Variants in NASP observed in about 807,000 individuals in gnomAD.
NASP encodes the protein nuclear autoantigenic sperm protein.
In NASP, 24 loss-of-function variants were observed where a neutral mutation model predicts 89.5. The ratio of observed to expected loss-of-function variants is 0.27; its 90% confidence interval spans 0.19 to 0.38. The LOEUF is 0.38. Among genes scored for constraint, NASP ranks in the 10% least tolerant of loss-of-function variants. NASP has a pLI of 1.00. For synonymous variants in NASP, 306 were observed against 324.7 expected (o/e 0.94, Z 0.62); for missense variants, 848 against 921.4 (o/e 0.92, Z 1.03).
intron 2 of NASP, among the ~76,000 whole-genome samples, chr1:45,595,599 T>C (rs1022064448): frequency 1.3e-5 from 2 of 152,222 alleles, no homozygotes; most frequent in South Asian, 2.1e-4. Flanking sequence ...AAAACTGTTA[T>C]TGTAATAACA....
intron 12 of NASP, 110 bp downstream of exon 12, chr1:45,616,503 G>A: frequency 6.7e-7 from 1 of 1,500,686 alleles, no homozygotes. Context: ...CTGAGGCTTG[G>A]AATTCAACAC....
At position 45,586,298 on chromosome 1, in the gene NASP, T is replaced by TGTGTGTGTGTGTG. The variant is rs1644547744; in HGVS notation, c.59+2104_59+2105insTGGTGTGTGTGTG. ...TGTGTGTGTGTGGTGTGTGTGTGTG[T>TGTGTGTGTGTGTG]GTGTGTGTGTGGTGTGTGTGTGTGT... On this transcript the variant is annotated intron_variant, in intron 1 of 14. Coordinates refer to ENST00000350030, the MANE Select transcript of NASP (RefSeq NM_002482.4). Among the ~76,000 whole-genome samples, 74 of 96,642 alleles carry TGTGTGTGTGTGTG rather than the reference T, an allele frequency of 7.7e-4. 1 individual carries two copies. Among genetic ancestry groups the TGTGTGTGTGTGTG allele is most frequent in the East Asian group, 2.3e-3 (8 of 3,446 alleles). The allele number at this position is 96,642 out of a possible 152,430, so 63.4% of individuals were successfully genotyped here.
At chr1:45,593,023 T>TA (rs1352956358) in intron 2 of NASP, among the ~76,000 whole-genome samples, 1 of 152,200 alleles carries the variant, frequency 6.6e-6, no homozygotes, top group African/African-American at 2.4e-5. Flanking sequence ...AGATTTTGGA[T>TA]AAAAAGACAT....
At position 45,618,096 on chromosome 1, in the gene NASP, G is replaced by T; in HGVS notation, c.2322G>T (p.Glu774Asp). The stretch of plus-strand genomic sequence containing the variant: ...AGGCTGAAAGCCGGGCAGCAGTGGA[G>T]GGGACAGTGGAGGCTGGAGCTACAG... ...ENQAESRAAV[E>D]GTVEAGATVE... Residue 774 changes from glutamate to aspartate, a missense_variant, in exon 15 of 15, where the codon GAG (glutamate) becomes GAT (aspartate). Glu to Asp is a conservative substitution (Grantham distance 45, BLOSUM62 2). Transcript: ENST00000350030. 6.2e-7 allele frequency: 1 copy of T among 1,604,128 alleles called. No homozygotes were observed. The highest frequency in any genetic ancestry group is 1.1e-5 in the South Asian group (1 of 88,914).
Position 45,616,687 on chromosome 1 carries a change from A to C in NASP, c.2141A>C (p.His714Pro). Residue 714 changes from histidine (H) to proline (P), a missense_variant, in exon 13 of 15, where the codon CAC becomes CCC. His to Pro is a moderately conservative substitution (Grantham distance 77). Coordinates refer to ENST00000350030, the MANE Select transcript of NASP (RefSeq NM_002482.4). The part of the protein sequence containing the change: ...SSSNCVTDIS[H>P]LVRKKRKPEE... ...TCAAATTGTGTGACTGATATTTCCCACCTTGTCAGAAAGAAGGTAAGTCTA... is the reference window on the plus strand; with the variant it reads ...TCAAATTGTGTGACTGATATTTCCCCCCTTGTCAGAAAGAAGGTAAGTCTA... The C allele has an allele frequency of 3.7e-6, 6 of 1,613,706 alleles. No homozygotes were observed. Among genetic ancestry groups the C allele is most frequent in the Non-Finnish European group, 5.1e-6 (6 of 1,179,608 alleles).
intron 1 of NASP, chr1:45,588,567 A>G: frequency 2.3e-6 from 1 of 437,764 alleles, no homozygotes; most frequent in East Asian, 7.5e-5. Context: ...AATGTATGGG[A>G]GTACAATTTC....
At chr1:45,586,298 T>TGGTGTGTGTGTG (rs375898417) in intron 1 of NASP, among the ~76,000 whole-genome samples, 3 of 96,674 alleles carry the variant, frequency 3.1e-5, no homozygotes, top group East Asian at 5.8e-4. Context: ...TGTGTGTGTG[T>TGGTGTGTGTGTG]GTGTGTGTGT....
chr1:45,614,139 T>A lies in NASP; in HGVS notation c.1550T>A (p.Leu517His), dbSNP rs747223250. The A allele has an allele frequency of 6.2e-7, 1 of 1,612,484 alleles. No individual in the cohort carries two copies. Among genetic ancestry groups the A allele is most frequent in the Non-Finnish European group, 8.5e-7 (1 of 1,178,450 alleles). ...NEEEEIGNLE[L>H]AWDMLDLAKI... ...GAGGAGGAGATTGGGAACCTAGAGC[T>A]TGCCTGGGATATGCTGGATTTAGCA... Residue 517 changes from leucine to histidine, a missense_variant, in exon 8 of 15, where the codon CTT (leucine) becomes CAT (histidine). Physicochemically the swap from Leu to His is moderately conservative, Grantham distance 99. Coordinates refer to ENST00000350030, the MANE Select transcript of NASP (RefSeq NM_002482.4).
intron 9 of NASP, 37 bp downstream of exon 9, chr1:45,614,403 T>C (rs1467832933): frequency 2.7e-6 from 4 of 1,480,798 alleles, no homozygotes; most frequent in East Asian, 4.5e-5. Context: ...CCTACTCTCT[T>C]CAGCTCCCTC....
chr1:45,601,962 C>G (rs1191026513), intron 2 of NASP, among the ~76,000 whole-genome samples: 2 of 151,886 alleles, frequency 1.3e-5, no homozygotes, highest in Non-Finnish European at 2.9e-5. Flanking sequence ...CCATGTTAGC[C>G]AGGATGGTCT....
At chr1:45,597,520 T>A (rs1643729524) in intron 2 of NASP, among the ~76,000 whole-genome samples, 1 of 152,102 alleles carries the variant, frequency 6.6e-6, no homozygotes, top group African/African-American at 2.4e-5. Context: ...ATTTAGGAGA[T>A]TTGTAAAAAT....
In NASP at chr1:45,608,354, A is replaced by G. The variant is rs777764045; in HGVS notation, c.1426+17A>G. 28 of 1,587,282 alleles carry G rather than the reference A, an allele frequency of 1.8e-5. No homozygotes were observed. Among genetic ancestry groups the G allele is most frequent in the Middle Eastern group, 1.7e-4 (1 of 6,058 alleles). On this transcript the variant is annotated intron_variant, in intron 6 of 14. Transcript: ENST00000350030. ...AGGGTGAAGGTAACCGGGATATGCA[A>G]GAGCTGCAGTGGGTGGAGTACATTC... is the stretch of plus-strand genomic sequence containing the variant.
rs117791973 is a variant in NASP at position 45,589,889 on chromosome 1, G to A, written c.60-1334G>A. On this transcript the variant is annotated intron_variant, in intron 1 of 14. Coordinates refer to ENST00000350030, the MANE Select transcript of NASP (RefSeq NM_002482.4). ...GCACTCCAGCCTGGGCAACAGAGAA[G>A]GACTGTCTCAAAAACAAAACAAAAC... Among the ~76,000 whole-genome samples the A allele has an allele frequency of 3.7e-3, 568 of 151,998 alleles. 8 individuals are homozygous for A. The highest frequency in any genetic ancestry group is 0.037 in the East Asian group (190 of 5,150).
At chr1:45,599,173 C>T (rs920184379) in intron 2 of NASP, among the ~76,000 whole-genome samples, 10 of 151,978 alleles carry the variant, frequency 6.6e-5, no homozygotes, top group Admixed American at 3.9e-4. Context: ...CTGTTGCCCA[C>T]GCTGGAGTGC....
chr1:45,605,473 T>C (rs1643895433), intron 4 of NASP, among the ~76,000 whole-genome samples: 1 of 152,184 alleles, frequency 6.6e-6, no homozygotes. Context: ...GTAAGGTTTT[T>C]TTTTTTTGAG....
intron 1 of NASP, among the ~76,000 whole-genome samples, chr1:45,584,967 C>G (rs1205851239): frequency 1.3e-5 from 2 of 152,184 alleles, no homozygotes; most frequent in Non-Finnish European, 2.9e-5. Flanking sequence ...GAGGTGGTGT[C>G]TGTTTGGGGG....
intron 1 of NASP, among the ~76,000 whole-genome samples, chr1:45,588,056 A>G (rs980766970): frequency 1.3e-5 from 2 of 149,728 alleles, no homozygotes; most frequent in African/African-American, 4.9e-5. Flanking sequence ...CCTGGCTGAC[A>G]TGGCAAAACC....
chr1:45,596,166 A>G (rs921880620), intron 2 of NASP, among the ~76,000 whole-genome samples: 19 of 152,340 alleles, frequency 1.2e-4, no homozygotes, highest in African/African-American at 3.4e-4. Context: ...TTATATATCA[A>G]CTGCTGTTGT....
chr1:45,599,326 C>G (rs1204439424), intron 2 of NASP, among the ~76,000 whole-genome samples: 1 of 152,186 alleles, frequency 6.6e-6, no homozygotes, highest in Non-Finnish European at 1.5e-5. Context: ...ATGCTAGTCT[C>G]TAACTCCTGG....
Sources: allele counts gnomAD v4.1 joint callset (sites outside exome capture counted in the v4.1 genomes callset), GRCh38; gene constraint gnomAD v4.1.1; transcripts MANE v1.5; gene names NCBI Gene and HGNC (gene_info 2026-07-23, HGNC 2026-07-21).